Variants in BPIFC observed in about 807,000 individuals in gnomAD.
The protein encoded by BPIFC is BPI fold-containing family C protein.
In BPIFC, 60 loss-of-function variants were observed where a neutral mutation model predicts 57.6. That is an observed-to-expected ratio of 1.04 (90% CI 0.85 to 1.29). The LOEUF is 1.29. BPIFC is among the 50% of genes most tolerant of loss of function. BPIFC has a pLI of 0.00. For missense variants in BPIFC, 581 were observed against 600.5 expected, an observed-to-expected ratio of 0.97 and a Z score of 0.34; for synonymous variants, 243 against 224.5, an observed-to-expected ratio of 1.08 and a Z score of -0.74.
intron 13 of BPIFC, among the ~76,000 whole-genome samples, chr22:32,422,242 C>T (rs1027412133): frequency 1.3e-5 from 2 of 152,182 alleles, no homozygotes; most frequent in African/African-American, 4.8e-5. Context: ...CCCAGGTGCT[C>T]ATTCTGTGCT....
At chr22:32,428,203 TA>T (rs1934121234) in intron 13 of BPIFC, among the ~76,000 whole-genome samples, 1 of 152,156 alleles carries the variant, frequency 6.6e-6, no homozygotes, top group South Asian at 2.1e-4. Context: ...TGATCAAGTC[TA>T]AATTGTATTC....
chr22:32,458,147 A>G (rs1283823649), intron 2 of BPIFC, among the ~76,000 whole-genome samples: 1 of 152,126 alleles, frequency 6.6e-6, no homozygotes, highest in Non-Finnish European at 1.5e-5. Flanking sequence ...CAAGGTGTAG[A>G]GGGCCTTGTA....
chr22:32,457,579 A>C (rs550334147), intron 2 of BPIFC, among the ~76,000 whole-genome samples, 193 bp from the exon 3 acceptor site: 1 of 151,602 alleles, frequency 6.6e-6, no homozygotes, highest in Non-Finnish European at 1.5e-5. Flanking sequence ...CCATCCATCC[A>C]TCCATCCATC....
chr22:32,431,794 A>T (rs903453545), intron 12 of BPIFC, among the ~76,000 whole-genome samples: 1 of 151,250 alleles, frequency 6.6e-6, no homozygotes, highest in South Asian at 2.1e-4. Flanking sequence ...TATTTAGATT[A>T]AAAAAAAAGA....
Position 32,463,749 on chromosome 22 carries a change from C to T in BPIFC, c.-89+625G>A, listed in dbSNP as rs8142183. On this transcript the variant is annotated intron_variant, in intron 1 of 16. Coordinates refer to ENST00000300399, the MANE Select transcript of BPIFC (RefSeq NM_174932.3). ...GAAGTCTAAATCGACAGGTATGGAA[C>T]GTGGGCAGAATATTTCAAGGGATCC... Among the ~76,000 whole-genome samples, 1,310 of 152,198 alleles carry T rather than the reference C, an allele frequency of 8.6e-3. 16 individuals are homozygous for T. The highest frequency in any genetic ancestry group is 0.029 in the African/African-American group (1,211 of 41,538).
At chr22:32,432,324 G>C (rs767097861) in intron 12 of BPIFC, 49 bp downstream of exon 12, 1 of 1,592,862 alleles carries the variant, frequency 6.3e-7, no homozygotes, top group Non-Finnish European at 8.6e-7. Context: ...GTCCACAGCA[G>C]GAGCAGGATT....
chr22:32,444,501 T>C (rs1190799087), intron 7 of BPIFC, among the ~76,000 whole-genome samples: 1 of 152,202 alleles, frequency 6.6e-6, no homozygotes, highest in Non-Finnish European at 1.5e-5. Context: ...TTCTTTTCTA[T>C]TCCTCCTCAT....
chr22:32,453,197 G>T, intron 4 of BPIFC, 186 bp downstream of exon 4: 1 of 404,778 alleles, frequency 2.5e-6, no homozygotes. Context: ...TGATTTGATG[G>T]CTGGAACCGC....
At chr22:32,442,038 C>T (rs1056044017) in intron 8 of BPIFC, among the ~76,000 whole-genome samples, 8 of 152,210 alleles carry the variant, frequency 5.3e-5, no homozygotes, top group Admixed American at 6.5e-5. Context: ...CACTGTTCAC[C>T]TCCGGCTGTG....
chr22:32,446,646 G>A (rs954196249), intron 5 of BPIFC: 1 of 599,042 alleles, frequency 1.7e-6, no homozygotes, highest in African/African-American at 2.0e-5. Context: ...GAATGAATGT[G>A]TTATCCTGTG....
intron 4 of BPIFC, among the ~76,000 whole-genome samples, chr22:32,452,815 A>G (rs1293833369): frequency 6.6e-6 from 1 of 152,128 alleles, no homozygotes; most frequent in Non-Finnish European, 1.5e-5. Context: ...CCCTTAGAAG[A>G]GCTTGACTCT....
intron 12 of BPIFC, 105 bp downstream of exon 12, chr22:32,432,268 G>T: frequency 1.6e-6 from 2 of 1,246,168 alleles, no homozygotes; most frequent in Non-Finnish European, 2.3e-6. Context: ...CTTAATCAAT[G>T]TAGCATCCCC....
At chr22:32,414,510 T>A (rs1375476583) in intron 16 of BPIFC, 85 bp from the exon 17 acceptor site, 2 of 1,472,080 alleles carry the variant, frequency 1.4e-6, no homozygotes, top group Non-Finnish European at 9.1e-7. Flanking sequence ...ATGGCTTCTT[T>A]TTTTTATTAT....
intron 14 of BPIFC, among the ~76,000 whole-genome samples, chr22:32,418,626 T>C (rs1374154247): frequency 6.6e-6 from 1 of 152,222 alleles, no homozygotes; most frequent in Non-Finnish European, 1.5e-5. Context: ...TTATCTGTTT[T>C]GTCTAGAACA....
rs117892123 is a variant in BPIFC at position 32,447,000 on chromosome 22, A to G, written c.374+212T>C. Among the ~76,000 whole-genome samples, 46 of 152,342 alleles carry G rather than the reference A, an allele frequency of 3.0e-4. No individual in the cohort carries two copies. In the East Asian group the frequency reaches 6.7e-3, roughly 22 times the overall value. On this transcript the variant is annotated intron_variant, in intron 5 of 16. Coordinates refer to ENST00000300399, the MANE Select transcript of BPIFC (RefSeq NM_174932.3). The stretch of plus-strand genomic sequence containing the variant: ...AGAATCTTAAATGACATTTGATCAT[A>G]TGCTCTGCCTTTAAGAGAAGAATGT...
chr22:32,426,764 C>T (rs145267094), intron 13 of BPIFC, among the ~76,000 whole-genome samples: 18,807 of 151,904 alleles, frequency 0.12, 1,569 homozygotes, highest in Non-Finnish European at 0.19. Flanking sequence ...TGGTGGCACA[C>T]GCCTGTAATC....
rs73884913 is a variant in BPIFC, at chr22:32,435,843, G to C, written c.785C>G (p.Pro262Arg). Residue 262 changes from proline to arginine, a missense_variant, in exon 10 of 17, where the codon CCC becomes CGC. Pro to Arg is a moderately radical substitution (Grantham distance 103). Transcript: ENST00000300399. The stretch of plus-strand genomic sequence containing the variant: ...GAGCACAAAAGGAACTGGTGAGAAG[G>C]GGGGGTCGGTGAGGTTTTCCAGTGG... ...FYPLENLTDPPFSPVPFVLPE... is the reference protein window; with the variant it reads ...FYPLENLTDPRFSPVPFVLPE... 1.1e-4 allele frequency: 182 copies of C among 1,614,110 alleles called. No individual in the cohort carries two copies. Among genetic ancestry groups the C allele is most frequent in the East Asian group, 4.5e-4 (20 of 44,872 alleles).
chr22:32,453,286 G>C, intron 4 of BPIFC, 97 bp downstream of exon 4: 1 of 911,626 alleles, frequency 1.1e-6, no homozygotes. Flanking sequence ...AAGATAAGAA[G>C]GCTGGATTCT....
chr22:32,437,628 T>C (rs1370053468), intron 9 of BPIFC, 132 bp downstream of exon 9: 1 of 617,638 alleles, frequency 1.6e-6, no homozygotes, highest in Non-Finnish European at 2.8e-6. Context: ...TGGCCTCAAG[T>C]GATCCACCTG....
Sources: gnomAD v4.1 joint callset for allele counts (sites outside exome capture counted in the v4.1 genomes callset) on GRCh38, gnomAD v4.1.1 for gene constraint, MANE v1.5 for transcripts, NCBI Gene and HGNC (gene_info 2026-07-23, HGNC 2026-07-21) for gene names.